The following RGL1 variants were observed in gnomAD, a reference collection of about 807,000 sequenced individuals.
RGL1 encodes ral guanine nucleotide dissociation stimulator like 1.
In RGL1, 24 loss-of-function variants were observed where a neutral mutation model predicts 95.2. That is an observed-to-expected ratio of 0.25 (90% CI 0.18 to 0.35). The LOEUF (loss-of-function observed/expected upper bound fraction) is 0.35. Among genes scored for constraint, RGL1 ranks in the 10% least tolerant of loss-of-function variants. The probability of loss-of-function intolerance (pLI) is 1.00; values close to 1 mark genes in which losing one functional copy is unlikely to be tolerated. For missense variants in RGL1, 715 were observed against 936.3 expected, an observed-to-expected ratio of 0.76 and a Z score of 3.08; for synonymous variants, 329 against 344.9, an observed-to-expected ratio of 0.95 and a Z score of 0.51.
chr1:183,906,229 T>G (rs1458404846), intron 13 of RGL1, among the ~76,000 whole-genome samples: 1 of 152,238 alleles, frequency 6.6e-6, no homozygotes, highest in Middle Eastern at 3.2e-3. Flanking sequence ...TGTATAATGT[T>G]GGGCACCCTT....
chr1:183,908,385 T>C lies in RGL1; in HGVS notation c.1562+1284T>C, dbSNP rs140594632. Among the ~76,000 whole-genome samples, 3 of 152,244 alleles carry C rather than the reference T, an allele frequency of 2.0e-5. No homozygotes were observed. The East Asian group carries it at 5.8e-4, about 29-fold the overall frequency. On this transcript the variant is annotated intron_variant, in intron 14 of 17. Transcript: ENST00000360851. ...GGCTGCTATCTGCCATCAGGTGATA[T>C]GGGTGGTATGAGGCATTGTGGGTGG...
chr1:183,887,011 T>C (rs900748507), intron 7 of RGL1, among the ~76,000 whole-genome samples: 1 of 151,976 alleles, frequency 6.6e-6, no homozygotes, highest in Non-Finnish European at 1.5e-5. Flanking sequence ...TCAATTTGCA[T>C]GATGTATCTG....
At chr1:183,888,299 T>G (rs977931190) in intron 7 of RGL1, among the ~76,000 whole-genome samples, 175 bp from the exon 8 acceptor site, 3 of 152,152 alleles carry the variant, frequency 2.0e-5, no homozygotes, top group African/African-American at 7.2e-5. Flanking sequence ...CTATAAAGTG[T>G]TTCGATGACT....
chr1:183,839,691 G>A (rs1572485048), intron 2 of RGL1, among the ~76,000 whole-genome samples: 1 of 152,194 alleles, frequency 6.6e-6, no homozygotes, highest in African/African-American at 2.4e-5. Context: ...AGGACACAGA[G>A]TCTCAGCTCC....
intron 2 of RGL1, among the ~76,000 whole-genome samples, chr1:183,797,192 G>C (rs886291811): frequency 1.3e-5 from 2 of 152,158 alleles, no homozygotes; most frequent in Non-Finnish European, 2.9e-5. Context: ...AGCCGGGCGT[G>C]GTGGTGGGCA....
chr1:183,757,220 C>T (rs1658397085), intron 2 of RGL1, among the ~76,000 whole-genome samples: 1 of 152,166 alleles, frequency 6.6e-6, no homozygotes, highest in Non-Finnish European at 1.5e-5. Context: ...CTTCTCTATC[C>T]AGCTCAGGAA....
intron 3 of RGL1, among the ~76,000 whole-genome samples, chr1:183,859,883 C>T (rs1377010487): frequency 6.6e-6 from 1 of 152,198 alleles, no homozygotes; most frequent in Non-Finnish European, 1.5e-5. Flanking sequence ...GTTCTCAGGT[C>T]AGACTTGGCG....
chr1:183,840,885 G>A (rs1252602148), intron 2 of RGL1, among the ~76,000 whole-genome samples: 1 of 151,640 alleles, frequency 6.6e-6, no homozygotes, highest in African/African-American at 2.4e-5. Flanking sequence ...GAGATGGACT[G>A]CATCTCTAAC....
chr1:183,763,777 T>A (rs1043075523), intron 2 of RGL1, among the ~76,000 whole-genome samples: 1 of 152,242 alleles, frequency 6.6e-6, no homozygotes, highest in Admixed American at 6.5e-5. Context: ...TGGTACATAA[T>A]AAGCAATAGA....
At chr1:183,639,965 C>T (rs564328830) in intron 1 of RGL1, among the ~76,000 whole-genome samples, 24 of 152,186 alleles carry the variant, frequency 1.6e-4, no homozygotes, top group Non-Finnish European at 2.9e-5. Context: ...CGTCAGCCTC[C>T]GAAGTAGCTG....
chr1:183,703,647 C>A (rs1276199940), intron 1 of RGL1, among the ~76,000 whole-genome samples: 2 of 152,184 alleles, frequency 1.3e-5, no homozygotes, highest in Admixed American at 1.3e-4. Flanking sequence ...ACAAACCTCA[C>A]CTTCTGAAGT....
chr1:183,678,211 C>A (rs1412094656), intron 1 of RGL1, among the ~76,000 whole-genome samples: 1 of 152,036 alleles, frequency 6.6e-6, no homozygotes, highest in East Asian at 1.9e-4. Flanking sequence ...CTGTGTGTAA[C>A]CTCCTAGGCA....
intron 2 of RGL1, among the ~76,000 whole-genome samples, chr1:183,834,420 A>G (rs1250856698): frequency 6.6e-6 from 1 of 151,998 alleles, no homozygotes; most frequent in African/African-American, 2.4e-5. Context: ...TTATCATTGA[A>G]TCCTAAGGTT....
Position 183,819,860 on chromosome 1 carries a change from CT to C in RGL1, c.138+13376del, listed in dbSNP as rs1260599855. On this transcript the variant is annotated intron_variant, in intron 2 of 17. Transcript: ENST00000360851. Reference sequence around the variant, plus strand: ...AGTACAGTGGTGTGATCATAGTTCACTGCAGCTTTGAACTGCTGGTCTCAAA... The same window carrying C: ...AGTACAGTGGTGTGATCATAGTTCACGCAGCTTTGAACTGCTGGTCTCAAA... 2.6e-5 allele frequency among the ~76,000 whole-genome samples: 4 copies of C among 151,230 alleles called. No homozygotes were observed. In the East Asian group the frequency reaches 7.7e-4, roughly 29 times the overall value.
At chr1:183,841,098 G>A (rs1664030595) in intron 2 of RGL1, among the ~76,000 whole-genome samples, 1 of 152,100 alleles carries the variant, frequency 6.6e-6, no homozygotes, top group Admixed American at 6.5e-5. Context: ...AGAACTGCAT[G>A]CTATTTACCT....
At chr1:183,853,173 T>TAAAAATAC in intron 3 of RGL1, among the ~76,000 whole-genome samples, 1 of 151,990 alleles carries the variant, frequency 6.6e-6, no homozygotes, top group Non-Finnish European at 1.5e-5. Flanking sequence ...CCATCTCTAC[T>TAAAAATAC]AAAAATACAA....
intron 4 of RGL1, among the ~76,000 whole-genome samples, chr1:183,879,049 T>C (rs1666677092): frequency 6.6e-6 from 1 of 152,252 alleles, no homozygotes; most frequent in South Asian, 2.1e-4. Flanking sequence ...TGGAAGAAAG[T>C]GAAATTATTG....
chr1:183,718,534 A>G (rs1655782937), intron 1 of RGL1, among the ~76,000 whole-genome samples: 1 of 152,222 alleles, frequency 6.6e-6, no homozygotes, highest in Non-Finnish European at 1.5e-5. Flanking sequence ...CCACTGGCAT[A>G]GTAGCTTAGA....
chr1:183,853,261 G>A (rs895518028), intron 3 of RGL1, among the ~76,000 whole-genome samples: 4 of 152,128 alleles, frequency 2.6e-5, no homozygotes, highest in Admixed American at 6.5e-5. Flanking sequence ...CCTGGGAAGC[G>A]GAGGTTGCAG....
Sources: allele counts gnomAD v4.1 joint callset (sites outside exome capture counted in the v4.1 genomes callset), GRCh38; gene constraint gnomAD v4.1.1; transcripts MANE v1.5; gene names NCBI Gene and HGNC (gene_info 2026-07-23, HGNC 2026-07-21).